PREX2: variants seen among roughly 807,000 people sequenced by gnomAD.
PREX2 encodes the protein phosphatidylinositol 3,4,5-trisphosphate-dependent Rac exchanger 2 protein.
Under a neutral mutation model 203.2 loss-of-function variants are expected in PREX2, and 107 were observed. The ratio of observed to expected loss-of-function variants is 0.53; its 90% CI spans 0.45 to 0.62. The LOEUF (loss-of-function observed/expected upper bound fraction) is 0.62, where lower values mean the gene tolerates loss of function less well. Among genes scored for constraint, PREX2 ranks in the 20% least tolerant of loss-of-function variants. PREX2 has a pLI of 0.00. For synonymous variants in PREX2, 672 were observed against 663.6 expected (o/e 1.01, Z -0.19); for missense variants, 1,777 against 1,955.9 (o/e 0.91, Z 1.72).
At chr8:67,973,686 T>C (rs1805989147) in intron 1 of PREX2, among the ~76,000 whole-genome samples, 1 of 152,228 alleles carries the variant, frequency 6.6e-6, no homozygotes, top group African/African-American at 2.4e-5. Flanking sequence ...TTCAGTGTTA[T>C]TGGTCTTGCA....
At chr8:67,975,696 T>TTA (rs1806059482) in intron 1 of PREX2, among the ~76,000 whole-genome samples, 2 of 60,076 alleles carry the variant, frequency 3.3e-5, no homozygotes, top group South Asian at 1.1e-3. Context: ...TTCTCTTTCT[T>TTA]TTTTTTTTTT....
Position 68,030,668 on chromosome 8 carries a change from C to G in PREX2, c.705+10C>G. ...CATTGAAGGCTGGGAGGTACATTCA[C>G]TTTGCTTGACAATCGAGCTTAAGAT... On this transcript the variant is annotated intron_variant, in intron 6 of 39. Coordinates refer to ENST00000288368, the MANE Select transcript of PREX2 (RefSeq NM_024870.4). 2 of 1,612,944 alleles carry G rather than the reference C, an allele frequency of 1.2e-6. No homozygotes were observed. The highest frequency in any genetic ancestry group is 1.1e-5 in the South Asian group (1 of 91,046).
At chr8:68,180,956 T>A (rs1450816172) in intron 35 of PREX2, among the ~76,000 whole-genome samples, 1 of 152,178 alleles carries the variant, frequency 6.6e-6, no homozygotes, top group Non-Finnish European at 1.5e-5. Flanking sequence ...TTCACTAGAA[T>A]GAACTTGGTC....
At chr8:68,135,099 T>TGTGTGTGTGTGTGTG (rs58263470) in intron 32 of PREX2, among the ~76,000 whole-genome samples, 4,217 of 148,806 alleles carry the variant, frequency 0.028, 89 homozygotes, top group South Asian at 0.05. Flanking sequence ...AAAACAAATT[T>TGTGTGTGTGTGTGTG]TGTGTGTGTG....
At position 67,991,701 on chromosome 8, in the gene PREX2, C is replaced by T. The variant is rs146556526; in HGVS notation, c.142-26145C>T. On this transcript the variant is annotated intron_variant, in intron 1 of 39. Coordinates refer to ENST00000288368, the MANE Select transcript of PREX2 (RefSeq NM_024870.4). ...GGATTATGGGGATTACAATTCAAGA[C>T]GAGATTTGGCTGGTGACACAAAGTC... 2.5e-3 allele frequency among the ~76,000 whole-genome samples: 378 copies of T among 152,156 alleles called. 3 individuals carry two copies. The highest frequency in any genetic ancestry group is 8.6e-3 in the African/African-American group (358 of 41,528).
intron 15 of PREX2, among the ~76,000 whole-genome samples, chr8:68,078,563 A>C (rs1031301804): frequency 1.3e-5 from 2 of 152,206 alleles, no homozygotes; most frequent in African/African-American, 4.8e-5. Context: ...ATTTTTATGA[A>C]GAAGGAAGTA....
chr8:67,996,307 T>C (rs1334071030), intron 1 of PREX2, among the ~76,000 whole-genome samples: 1 of 152,058 alleles, frequency 6.6e-6, no homozygotes, highest in Non-Finnish European at 1.5e-5. Context: ...ATGATCTTCC[T>C]TCCTTTGCCT....
At chr8:68,126,422 A>G (rs190099267) in intron 30 of PREX2, among the ~76,000 whole-genome samples, 2 of 152,234 alleles carry the variant, frequency 1.3e-5, no homozygotes, top group African/African-American at 4.8e-5. Flanking sequence ...ATTGAGACTC[A>G]AAGTAATTTA....
At chr8:68,135,180 G>A (rs111963243) in intron 32 of PREX2, among the ~76,000 whole-genome samples, 83 of 151,656 alleles carry the variant, frequency 5.5e-4, no homozygotes, top group African/African-American at 1.8e-3. Flanking sequence ...TCAATTATCT[G>A]TTGAATGAAT....
At position 68,129,059 on chromosome 8, in the gene PREX2, A is replaced by G. The variant is rs149724026; in HGVS notation, c.3766+1640A>G. ...TTTTCTTGGATTTCACTGGATCCCC[A>G]CAACCCACTATGTGAGAATATTATT... is the stretch of plus-strand genomic sequence containing the variant. On this transcript the variant is annotated intron_variant, in intron 31 of 39. Transcript: ENST00000288368. Among the ~76,000 whole-genome samples, 691 of 152,336 alleles carry G rather than the reference A, an allele frequency of 4.5e-3. 5 individuals are homozygous for G. The highest frequency in any genetic ancestry group is 0.016 in the African/African-American group (645 of 41,594).
chr8:68,018,498 T>C (rs973269804), intron 2 of PREX2, among the ~76,000 whole-genome samples: 10 of 151,896 alleles, frequency 6.6e-5, no homozygotes, highest in Admixed American at 2.6e-4. Flanking sequence ...TAAAATGAAT[T>C]GGAGGCTAAG....
At chr8:68,050,252 A>G (rs1808486881) in intron 8 of PREX2, among the ~76,000 whole-genome samples, 1 of 152,108 alleles carries the variant, frequency 6.6e-6, no homozygotes, top group Non-Finnish European at 1.5e-5. Flanking sequence ...CCATTCTTGC[A>G]CTGCTATCAC....
chr8:68,129,302 A>G (rs890183981), intron 31 of PREX2, among the ~76,000 whole-genome samples: 1 of 152,176 alleles, frequency 6.6e-6, no homozygotes, highest in Non-Finnish European at 1.5e-5. Flanking sequence ...TTATTCATTA[A>G]TGCTCAAATG....
chr8:68,070,115 G>T (rs574094819), intron 13 of PREX2, among the ~76,000 whole-genome samples: 1 of 151,388 alleles, frequency 6.6e-6, no homozygotes, highest in East Asian at 1.9e-4. Context: ...TTTGCCATTA[G>T]TTCATAGTAA....
At chr8:68,108,963 A>G (rs749610843) in intron 24 of PREX2, 4 of 428,812 alleles carry the variant, frequency 9.3e-6, no homozygotes, top group African/African-American at 4.1e-5. Context: ...GACAAATACT[A>G]TATGATCTCA....
At chr8:68,191,347 T>C (rs35208381) in intron 35 of PREX2, among the ~76,000 whole-genome samples, 4,781 of 152,318 alleles carry the variant, frequency 0.031, 201 homozygotes, top group East Asian at 0.18. Flanking sequence ...TTAATAATAT[T>C]GATCATTATA....
chr8:68,097,066 G>C lies in PREX2; in HGVS notation c.2418G>C (p.Glu806Asp), dbSNP rs1810102232. The C allele has an allele frequency of 6.2e-7, 1 of 1,613,958 alleles. No individual in the cohort carries two copies. Among genetic ancestry groups the C allele is most frequent in the Non-Finnish European group, 8.5e-7 (1 of 1,179,904 alleles). The change falls in exon 22 of 40, where the codon GAG becomes GAC. Residue 806 changes from glutamate (E) to aspartate (D), a missense_variant. Coordinates refer to ENST00000288368, the MANE Select transcript of PREX2 (RefSeq NM_024870.4). The part of the protein sequence containing the change: ...NTMAIIDGKK[E>D]HVSLTVDNVH... ...TGGCCATCATTGATGGGAAGAAGGA[G>C]CATGTGAGTCTGACAGTGGACAATG...
rs753817731 is a variant in PREX2, at chr8:68,127,439, T to A, written c.3766+20T>A. ...ATTCAGGTAACATTTTGCATTTTAT[T>A]TTTTTTTACTATTTAAGTGATTGTG... is the stretch of plus-strand genomic sequence containing the variant. On this transcript the variant is annotated intron_variant, in intron 31 of 39. Transcript: ENST00000288368. 9 of 1,577,648 alleles carry A rather than the reference T, an allele frequency of 5.7e-6. No individual in the cohort carries two copies. The highest frequency in any genetic ancestry group is 7.8e-6 in the Non-Finnish European group (9 of 1,149,328).
At chr8:68,129,448 A>G (rs1253908133) in intron 31 of PREX2, among the ~76,000 whole-genome samples, 1 of 152,158 alleles carries the variant, frequency 6.6e-6, no homozygotes, top group Admixed American at 6.6e-5. Flanking sequence ...GAGCCAAAAT[A>G]CTTTATATTT....
Sources: gnomAD v4.1 joint callset for allele counts (sites outside exome capture counted in the v4.1 genomes callset) on GRCh38, gnomAD v4.1.1 for gene constraint, MANE v1.5 for transcripts, NCBI Gene and HGNC (gene_info 2026-07-23, HGNC 2026-07-21) for gene names.